RXFP2: variants seen among roughly 807,000 people sequenced by gnomAD.
The protein encoded by RXFP2 is relaxin receptor 2.
In RXFP2, 68 loss-of-function variants were observed where a neutral mutation model predicts 88.6. That is an observed-to-expected ratio of 0.77 (90% confidence interval 0.63 to 0.94). The LOEUF (loss-of-function observed/expected upper bound fraction) is 0.94, where lower values mean the gene tolerates loss of function less well. Ranked by LOEUF, RXFP2 falls within the 40% of genes least tolerant of loss-of-function variation. RXFP2 has a pLI of 0.00. For missense variants in RXFP2, 791 were observed against 893.9 expected (o/e 0.88, Z 1.47); for synonymous variants, 329 against 306.8 (o/e 1.07, Z -0.76).
intron 17 of RXFP2, among the ~76,000 whole-genome samples, chr13:31,799,168 AG>A (rs1953980185): frequency 6.6e-6 from 1 of 151,846 alleles, no homozygotes; most frequent in Non-Finnish European, 1.5e-5. Flanking sequence ...GTGATGGAAT[AG>A]GGGATCAGTC....
At chr13:31,777,185 T>G (rs1271470670) in intron 7 of RXFP2, among the ~76,000 whole-genome samples, 191 bp from the exon 8 acceptor site, 1 of 151,750 alleles carries the variant, frequency 6.6e-6, no homozygotes, top group Non-Finnish European at 1.5e-5. Flanking sequence ...ACTTGATAAG[T>G]GGGATGGAAG....
Position 31,802,267 on chromosome 13 carries a change from T to C in RXFP2, c.2127T>C (p.His709=). ...AGTTGAAACAGCTGCTGCACAAACA[T>C]CAGAGGAAATCAATTTTCAAAATTA... ...KDKLKQLLHK[H]QRKSIFKIKK... The change falls in exon 18 of 18, where the codon CAT becomes CAC. Residue 709 remains histidine (H), a synonymous_variant. Transcript: ENST00000298386. 1 of 1,613,756 alleles carries C rather than the reference T, an allele frequency of 6.2e-7. No homozygotes were observed. Among genetic ancestry groups the C allele is most frequent in the East Asian group, 2.2e-5 (1 of 44,858 alleles).
chr13:31,766,596 G>A (rs1242367526), intron 5 of RXFP2, among the ~76,000 whole-genome samples: 1 of 152,098 alleles, frequency 6.6e-6, no homozygotes, highest in Non-Finnish European at 1.5e-5. Context: ...ACCGGGAACT[G>A]GGAAATATAA....
At chr13:31,799,360 C>G (rs1874218728) in intron 17 of RXFP2, among the ~76,000 whole-genome samples, 1 of 152,094 alleles carries the variant, frequency 6.6e-6, no homozygotes, top group South Asian at 2.1e-4. Context: ...TACAGAAGTG[C>G]ACCACCACAC....
At chr13:31,754,109 T>C (rs1006816047) in intron 1 of RXFP2, among the ~76,000 whole-genome samples, 1 of 152,202 alleles carries the variant, frequency 6.6e-6, no homozygotes, top group African/African-American at 2.4e-5. Context: ...TGCAACTCAA[T>C]CTTTTTTCTA....
Position 31,775,383 on chromosome 13 carries a change from C to A in RXFP2, c.635C>A (p.Thr212Asn). 1 of 1,609,956 alleles carries A rather than the reference C, an allele frequency of 6.2e-7. No individual in the cohort carries two copies. Among genetic ancestry groups the A allele is most frequent in the Non-Finnish European group, 8.5e-7 (1 of 1,176,288 alleles). ...PGIFKDLHQL[T>N]WLILDDNPIT... ...ATATTCAAAGACTTACATCAGCTAA[C>A]TTGGCTGTAAGTACTCTAATTCTTC... is the stretch of plus-strand genomic sequence containing the variant. The change falls in exon 7 of 18, where the codon ACT becomes AAT. Residue 212 changes from threonine (T) to asparagine (N), a missense_variant. By Grantham distance (65) the Thr-to-Asn change is moderately conservative. Transcript: ENST00000298386.
At chr13:31,757,776 T>A (rs954254209) in intron 1 of RXFP2, among the ~76,000 whole-genome samples, 2 of 152,040 alleles carry the variant, frequency 1.3e-5, no homozygotes, top group Non-Finnish European at 2.9e-5. Flanking sequence ...ATAGCTGATG[T>A]TGGGTGTGAT....
At chr13:31,773,913 G>C (rs111513635) in intron 5 of RXFP2, among the ~76,000 whole-genome samples, 1 of 152,156 alleles carries the variant, frequency 6.6e-6, no homozygotes, top group Non-Finnish European at 1.5e-5. Flanking sequence ...GCCCCTGAGA[G>C]CCTTCAGAGA....
At chr13:31,770,648 T>C (rs1222595828) in intron 5 of RXFP2, among the ~76,000 whole-genome samples, 1 of 152,210 alleles carries the variant, frequency 6.6e-6, no homozygotes, top group Non-Finnish European at 1.5e-5. Context: ...CTTGACACTT[T>C]CTTGCTTCTC....
rs1163450706 is a variant in RXFP2 at position 31,776,097 on chromosome 13, TTTTCTTTTC to T, written c.641+716_641+724del. ...CTTTCTTTCCTTCCTTCTTTCTTTCTTTTCTTTTCTTTCTTTCTTTCTTTCTTTCTTTCT... is the reference window on the plus strand; with the variant it reads ...CTTTCTTTCCTTCCTTCTTTCTTTCTTTTCTTTCTTTCTTTCTTTCTTTCT... On this transcript the variant is annotated intron_variant, in intron 7 of 17. Coordinates refer to ENST00000298386, the MANE Select transcript of RXFP2 (RefSeq NM_130806.5). Among the ~76,000 whole-genome samples the T allele has an allele frequency of 1.2e-4, 13 of 112,904 alleles. No homozygotes were observed. The South Asian group carries it at 1.6e-3, about 14-fold the overall frequency. The allele number at this position is 112,904 out of a possible 152,430, so 74.1% of individuals were successfully genotyped here.
At chr13:31,748,878 TC>T (rs1423033995) in intron 1 of RXFP2, among the ~76,000 whole-genome samples, 1 of 152,134 alleles carries the variant, frequency 6.6e-6, no homozygotes, top group Non-Finnish European at 1.5e-5. Context: ...GCACCTGTAG[TC>T]CCAGCTACTC....
chr13:31,801,766 G>A (rs965010973), intron 17 of RXFP2, among the ~76,000 whole-genome samples: 4 of 152,176 alleles, frequency 2.6e-5, no homozygotes, highest in African/African-American at 9.6e-5. Flanking sequence ...GCTTGGTCCA[G>A]GGGACCAGAA....
intron 7 of RXFP2, 129 bp from the exon 8 acceptor site, chr13:31,777,247 C>T (rs1008778537): frequency 1.5e-6 from 1 of 674,188 alleles, no homozygotes; most frequent in Non-Finnish European, 2.7e-6. Context: ...GAAGGAAAAG[C>T]TCTCAGGGAA....
chr13:31,801,304 A>G (rs1874329774), intron 17 of RXFP2, among the ~76,000 whole-genome samples: 1 of 151,978 alleles, frequency 6.6e-6, no homozygotes, highest in Non-Finnish European at 1.5e-5. Context: ...AAGTCTTAGT[A>G]CCAAAAAAGC....
chr13:31,763,998 T>A (rs1872425683), intron 3 of RXFP2, among the ~76,000 whole-genome samples: 1 of 152,058 alleles, frequency 6.6e-6, no homozygotes, highest in South Asian at 2.1e-4. Flanking sequence ...CTAATAAAAT[T>A]CAGTAAAATT....
At chr13:31,783,541 T>C (rs1873384310) in intron 11 of RXFP2, among the ~76,000 whole-genome samples, 1 of 152,012 alleles carries the variant, frequency 6.6e-6, no homozygotes, top group Non-Finnish European at 1.5e-5. Flanking sequence ...AAAAAATAAC[T>C]CATGAATAGT....
intron 17 of RXFP2, 127 bp downstream of exon 17, chr13:31,797,546 A>C: frequency 1.4e-6 from 1 of 733,946 alleles, no homozygotes. Context: ...ATTTCCCTCC[A>C]TGTTTTATAA....
At chr13:31,796,241 G>T (rs181598104) in intron 16 of RXFP2, among the ~76,000 whole-genome samples, 2,296 of 150,066 alleles carry the variant, frequency 0.015, 56 homozygotes, top group African/African-American at 0.053. Context: ...AGTAGAGACG[G>T]GGTTTCACCT....
At chr13:31,751,720 C>A (rs1297411764) in intron 1 of RXFP2, among the ~76,000 whole-genome samples, 1 of 152,162 alleles carries the variant, frequency 6.6e-6, no homozygotes, top group Non-Finnish European at 1.5e-5. Flanking sequence ...CAAGGTACCA[C>A]CTTCTCTCCA....
Sources: allele counts gnomAD v4.1 joint callset (sites outside exome capture counted in the v4.1 genomes callset), GRCh38; gene constraint gnomAD v4.1.1; transcripts MANE v1.5; gene names NCBI Gene and HGNC (gene_info 2026-07-23, HGNC 2026-07-21).